The following ARHGEF3 variants were observed in gnomAD, a reference collection of about 807,000 sequenced individuals.
ARHGEF3 encodes the protein 59.8 kDA protein.
ARHGEF3 carries 28 observed loss-of-function variants against 63.2 expected under a neutral mutation model. The ratio of observed to expected loss-of-function variants is 0.44; its 90% CI spans 0.33 to 0.61. The LOEUF is 0.61. Among genes scored for constraint, ARHGEF3 ranks in the 20% least tolerant of loss-of-function variants. The pLI, the probability that ARHGEF3 is intolerant of heterozygous loss-of-function variation, is 0.03. For synonymous variants in ARHGEF3, 266 were observed against 254.2 expected (o/e 1.05, Z -0.44); for missense variants, 533 against 659.3 (o/e 0.81, Z 2.10).
intron 1 of ARHGEF3, among the ~76,000 whole-genome samples, chr3:57,055,237 C>T (rs956923478): frequency 2.0e-5 from 3 of 150,272 alleles, no homozygotes; most frequent in Non-Finnish European, 3.0e-5. Context: ...TCTCAGCTCA[C>T]GGCAACTTCT....
chr3:57,007,386 T>C, intron 2 of ARHGEF3: 1 of 1,282,662 alleles, frequency 7.8e-7, no homozygotes, highest in Non-Finnish European at 1.0e-6. Context: ...TGCCTTCTGC[T>C]GAGGCTGAGC....
intron 1 of ARHGEF3, among the ~76,000 whole-genome samples, chr3:56,794,488 C>CAAAAAAAAAAAAA (rs10557985): frequency 3.8e-4 from 44 of 116,904 alleles, no homozygotes; most frequent in East Asian, 1.2e-3. Context: ...GACTCTATCT[C>CAAAAAAAAAAAAA]AAAAAAAAAA....
intron 2 of ARHGEF3, among the ~76,000 whole-genome samples, chr3:57,033,383 C>T (rs889894974): frequency 2.0e-5 from 3 of 148,194 alleles, no homozygotes; most frequent in African/African-American, 5.0e-5. Context: ...GCTGGATCCT[C>T]GTACTGTGGA....
chr3:56,938,812 T>C (rs1008729551), intron 3 of ARHGEF3: 2 of 152,286 alleles, frequency 1.3e-5, no homozygotes, highest in Admixed American at 6.5e-5. Context: ...GGCGCCTTTG[T>C]CTGTGAGTCT....
rs78662131 is a variant in ARHGEF3 at position 56,882,275 on chromosome 3, G to A, written c.192+17C>T. The A allele has an allele frequency of 6.4e-4, 999 of 1,549,594 alleles. 5 individuals are homozygous for A. The African/African-American group carries it at 0.012, about 18-fold the overall frequency. ...GATGCTCTCGGTGCCAGTGGGGGAA[G>A]AAAGGACTATACTTACACTTATGTC... On this transcript the variant is annotated intron_variant, in intron 4 of 12. Coordinates refer to the ARHGEF3 transcript ENST00000338458.
intron 7 of ARHGEF3, among the ~76,000 whole-genome samples, chr3:56,738,919 G>A (rs1229497537): frequency 6.6e-6 from 1 of 151,866 alleles, no homozygotes; most frequent in Non-Finnish European, 1.5e-5. Flanking sequence ...GGTGAACGCT[G>A]TCTCTACTAA....
At chr3:57,033,593 T>C (rs754714472) in intron 2 of ARHGEF3, among the ~76,000 whole-genome samples, 1 of 152,098 alleles carries the variant, frequency 6.6e-6, no homozygotes, top group Non-Finnish European at 1.5e-5. Flanking sequence ...CGTATCTAGA[T>C]AACTAACAAA....
At chr3:56,806,128 T>A (rs746907822), upstream of ARHGEF3, among the ~76,000 whole-genome samples, 5 of 152,224 alleles carry the variant, frequency 3.3e-5, no homozygotes, top group Non-Finnish European at 7.3e-5. Flanking sequence ...AATTTCCACC[T>A]TGGTCCCTGA....
At chr3:56,757,492 A>G (rs2107780810) in intron 2 of ARHGEF3, among the ~76,000 whole-genome samples, 1 of 152,262 alleles carries the variant, frequency 6.6e-6, no homozygotes, top group Non-Finnish European at 1.5e-5. Flanking sequence ...AAAAAAAGTT[A>G]TAATTACCTG....
At chr3:56,981,723 C>G (rs555054992) in intron 2 of ARHGEF3, among the ~76,000 whole-genome samples, 1 of 152,324 alleles carries the variant, frequency 6.6e-6, no homozygotes, top group South Asian at 2.1e-4. Flanking sequence ...TGGCCAAGCT[C>G]ACATGGTCTG....
At chr3:56,876,616 C>T (rs2040592447) in intron 4 of ARHGEF3, among the ~76,000 whole-genome samples, 1 of 152,104 alleles carries the variant, frequency 6.6e-6, no homozygotes, top group Non-Finnish European at 1.5e-5. Flanking sequence ...TGAGCACATT[C>T]TTCCCAAGTA....
At chr3:56,802,698 G>A (rs2037719141), upstream of ARHGEF3, among the ~76,000 whole-genome samples, 1 of 152,160 alleles carries the variant, frequency 6.6e-6, no homozygotes, top group African/African-American at 2.4e-5. Context: ...GTATAAAGCT[G>A]TGCATGGATG....
At chr3:56,938,331 G>T (rs192396021) in intron 3 of ARHGEF3, among the ~76,000 whole-genome samples, 3 of 152,306 alleles carry the variant, frequency 2.0e-5, no homozygotes, top group Admixed American at 2.0e-4. Context: ...TGGGCCCCAT[G>T]CAATCAAGAT....
intron 3 of ARHGEF3, among the ~76,000 whole-genome samples, chr3:56,956,472 A>G (rs1700047653): frequency 6.6e-6 from 1 of 152,192 alleles, no homozygotes; most frequent in African/African-American, 2.4e-5. Context: ...ACTTAAACCA[A>G]GTATGTATCT....
At chr3:56,759,070 CCCT>C (rs1300914728) in intron 2 of ARHGEF3, among the ~76,000 whole-genome samples, 1 of 152,056 alleles carries the variant, frequency 6.6e-6, no homozygotes, top group Non-Finnish European at 1.5e-5. Context: ...AGTACAAATG[CCCT>C]CATTTCCCCA....
intron 4 of ARHGEF3, among the ~76,000 whole-genome samples, chr3:56,752,157 G>A (rs947836220): frequency 1.3e-5 from 2 of 149,564 alleles, no homozygotes; most frequent in African/African-American, 2.5e-5. Context: ...TCTTGACCTC[G>A]TGATCTGCCC....
intron 2 of ARHGEF3, among the ~76,000 whole-genome samples, chr3:56,993,549 A>AT (rs1178163696): frequency 2.0e-5 from 3 of 151,042 alleles, no homozygotes; most frequent in Non-Finnish European, 3.0e-5. Flanking sequence ...TAATTTTTAA[A>AT]TTTTTTGTAG....
chr3:56,890,467 C>T (rs1469419964), intron 3 of ARHGEF3, among the ~76,000 whole-genome samples: 1 of 152,112 alleles, frequency 6.6e-6, no homozygotes, highest in African/African-American at 2.4e-5. Context: ...CGGTTATTAC[C>T]GTAATTACTA....
chr3:56,761,449 T>G (rs530389257), intron 2 of ARHGEF3, among the ~76,000 whole-genome samples: 4 of 152,280 alleles, frequency 2.6e-5, no homozygotes, highest in Admixed American at 2.0e-4. Context: ...TCTCTTTTTT[T>G]TTTATATTCA....
Sources: allele counts gnomAD v4.1 joint callset (sites outside exome capture counted in the v4.1 genomes callset), GRCh38; gene constraint gnomAD v4.1.1; transcripts MANE v1.5; gene names NCBI Gene and HGNC (gene_info 2026-07-23, HGNC 2026-07-21).